LIFR: variants seen among roughly 807,000 people sequenced by gnomAD.
LIFR encodes LIF receptor subunit alpha.
In LIFR, 84 loss-of-function variants were observed where a neutral mutation model predicts 122.2. The observed-to-expected ratio is 0.69, with a 90% CI of 0.58 to 0.82. The LOEUF (loss-of-function observed/expected upper bound fraction) is 0.82. Among genes scored for constraint, LIFR ranks in the 40% least tolerant of loss-of-function variants. The pLI, the probability that LIFR is intolerant of heterozygous loss-of-function variation, is 0.00. For synonymous variants in LIFR, 422 were observed against 434.7 expected (o/e 0.97, Z 0.36); for missense variants, 1,294 against 1,311.6 (o/e 0.99, Z 0.21).
Position 38,531,331 on chromosome 5 carries a change from G to A in LIFR, c.-19-665C>T, listed in dbSNP as rs1313159567. Among the ~76,000 whole-genome samples the A allele has an allele frequency of 2.0e-5, 3 of 152,064 alleles. No individual in the cohort carries two copies. The East Asian group carries it at 5.8e-4, about 29-fold the overall frequency. On this transcript the variant is annotated intron_variant, in intron 1 of 19. Coordinates refer to ENST00000453190, the MANE Select transcript of LIFR (RefSeq NM_001127671.2). ...AAACTCTTGTGTCAGACCTAAAATT[G>A]CCTCATTTATTACAACATTGGCACA...
chr5:38,596,360 G>T (rs1750098437), upstream of LIFR, among the ~76,000 whole-genome samples: 1 of 152,290 alleles, frequency 6.6e-6, no homozygotes, highest in South Asian at 2.1e-4. Flanking sequence ...GTACACCGAA[G>T]TTTGAAGATT....
At chr5:38,592,513 CA>C (rs1749954623) in intron 1 of LIFR, among the ~76,000 whole-genome samples, 1 of 151,900 alleles carries the variant, frequency 6.6e-6, no homozygotes, top group Non-Finnish European at 1.5e-5. Flanking sequence ...AAAAATTAGC[CA>C]GGTGTGGTGG....
chr5:38,501,144 A>G (rs1745153449), intron 11 of LIFR, among the ~76,000 whole-genome samples: 2 of 152,216 alleles, frequency 1.3e-5, no homozygotes, highest in South Asian at 4.1e-4. Context: ...AACCCATAGA[A>G]ATGGGAAGAT....
chr5:38,537,201 T>C (rs1346089255), intron 1 of LIFR, among the ~76,000 whole-genome samples: 1 of 152,152 alleles, frequency 6.6e-6, no homozygotes, highest in Admixed American at 6.5e-5. Context: ...ACAGTTCCAG[T>C]TCCATACTGT....
At chr5:38,587,511 C>T (rs1168066972) in intron 1 of LIFR, among the ~76,000 whole-genome samples, 1 of 150,442 alleles carries the variant, frequency 6.6e-6, no homozygotes, top group Non-Finnish European at 1.5e-5. Context: ...ATTGCTTGAG[C>T]TAACAGAACT....
chr5:38,499,450 C>T, intron 12 of LIFR, 63 bp downstream of exon 12: 1 of 1,105,360 alleles, frequency 9.0e-7, no homozygotes, highest in Non-Finnish European at 1.4e-6. Context: ...ACCCAAGTAC[C>T]ATGCGTAAGT....
intron 9 of LIFR, among the ~76,000 whole-genome samples, chr5:38,504,339 G>A (rs184808547): frequency 2.1e-3 from 315 of 146,798 alleles, no homozygotes; most frequent in African/African-American, 7.9e-3. Context: ...TCTTAAATTA[G>A]TGTCAGGAAT....
At chr5:38,597,693 T>C (rs1326731774), upstream of LIFR, among the ~76,000 whole-genome samples, 1 of 151,624 alleles carries the variant, frequency 6.6e-6, no homozygotes, top group Non-Finnish European at 1.5e-5. Flanking sequence ...AATGCAGAGG[T>C]TGAGAACCCC....
At chr5:38,553,564 T>A (rs2112660410) in intron 1 of LIFR, among the ~76,000 whole-genome samples, 1 of 132,088 alleles carries the variant, frequency 7.6e-6, no homozygotes, top group Admixed American at 8.3e-5. Context: ...ATCACAACAG[T>A]ACCAAATAAA....
intron 2 of LIFR, among the ~76,000 whole-genome samples, chr5:38,529,252 T>C (rs1302059081): frequency 6.6e-6 from 1 of 151,864 alleles, no homozygotes; most frequent in Non-Finnish European, 1.5e-5. Flanking sequence ...GAATCTTCAA[T>C]AGCCCCACTT....
At chr5:38,499,968 A>T (rs912153117) in intron 11 of LIFR, among the ~76,000 whole-genome samples, 1 of 152,040 alleles carries the variant, frequency 6.6e-6, no homozygotes, top group African/African-American at 2.4e-5. Context: ...CTCTTCTCCT[A>T]GATAAAAACA....
At chr5:38,483,870 T>A (rs1315908166) in intron 18 of LIFR, among the ~76,000 whole-genome samples, 1 of 152,176 alleles carries the variant, frequency 6.6e-6, no homozygotes, top group African/African-American at 2.4e-5. Flanking sequence ...AATGATGGCA[T>A]TTTTAAGGTC....
chr5:38,496,275 A>G (rs1744869612), intron 13 of LIFR, 107 bp downstream of exon 13: 1 of 893,448 alleles, frequency 1.1e-6, no homozygotes, highest in Non-Finnish European at 1.9e-6. Context: ...GGTCAGCAGC[A>G]ACAAGGTATA....
In LIFR at chr5:38,476,874, A is replaced by T. The variant is rs1428692602; in HGVS notation, c.*4721T>A. ...TGTCTTGCATAGGTAAATTCTGTTT[A>T]TAACATGGACTCTGATAATCCAAAT... On this transcript the variant is annotated 3_prime_UTR_variant, in exon 20 of 20. Transcript: ENST00000453190. 1.4e-5 allele frequency: 3 copies of T among 213,418 alleles called. No homozygotes were observed. The highest frequency in any genetic ancestry group is 2.8e-5 in the Non-Finnish European group (3 of 105,674). 13.2% of individuals were successfully genotyped at this position (213,418 alleles called of 1,614,324 possible). A position where few individuals can be genotyped will look rare whatever the true frequency, so the allele number is the denominator to read the frequency against.
At chr5:38,542,232 T>C (rs1342412252) in intron 1 of LIFR, among the ~76,000 whole-genome samples, 1 of 152,178 alleles carries the variant, frequency 6.6e-6, no homozygotes, top group Non-Finnish European at 1.5e-5. Context: ...TACCCACATG[T>C]GGGGACACTT....
At chr5:38,561,658 A>C (rs577215269) in intron 1 of LIFR, among the ~76,000 whole-genome samples, 12 of 152,288 alleles carry the variant, frequency 7.9e-5, no homozygotes, top group African/African-American at 2.9e-4. Context: ...ATTTGCTGTG[A>C]ATGTTATCGT....
At chr5:38,526,658 A>G (rs1368375144) in intron 4 of LIFR, among the ~76,000 whole-genome samples, 1 of 151,964 alleles carries the variant, frequency 6.6e-6, no homozygotes, top group Non-Finnish European at 1.5e-5. Context: ...CCTTACACTC[A>G]CCTAATTTGC....
chr5:38,527,115 T>C (rs750598300), intron 4 of LIFR, 40 bp downstream of exon 4: 8 of 1,538,234 alleles, frequency 5.2e-6, no homozygotes, highest in African/African-American at 1.4e-5. Flanking sequence ...CAAGTGACAC[T>C]TGACTTACTT....
At position 38,504,104 on chromosome 5, in the gene LIFR, T is replaced by C. The variant is rs762859969; in HGVS notation, c.1309A>G (p.Thr437Ala). The C allele has an allele frequency of 6.3e-7, 1 of 1,577,356 alleles. No homozygotes were observed. Among genetic ancestry groups the C allele is most frequent in the Non-Finnish European group, 8.7e-7 (1 of 1,146,948 alleles). ...ITEKVYPHTPTSFKVKDINST... is the reference protein window; with the variant it reads ...ITEKVYPHTPASFKVKDINST... ...TTAATATCCTTCACTTTGAATGAAG[T>C]AGGAGTATGGGGATAAACTGCAAAT... The change falls in exon 10 of 20, where the codon ACT (threonine) becomes GCT (alanine). Residue 437 changes from threonine to alanine, a missense_variant. Coordinates refer to ENST00000453190, the MANE Select transcript of LIFR (RefSeq NM_001127671.2).
Sources: gnomAD v4.1 joint callset for allele counts (sites outside exome capture counted in the v4.1 genomes callset) on GRCh38, gnomAD v4.1.1 for gene constraint, MANE v1.5 for transcripts, NCBI Gene and HGNC (gene_info 2026-07-23, HGNC 2026-07-21) for gene names.